STARD13: variants seen among roughly 807,000 people sequenced by gnomAD.
STARD13 encodes StAR related lipid transfer domain containing 13.
A neutral mutation model predicts 106.4 loss-of-function variants in STARD13; 62 were observed. The ratio of observed to expected loss-of-function variants is 0.58; its 90% CI spans 0.48 to 0.72. The LOEUF (loss-of-function observed/expected upper bound fraction) is 0.72, where lower values mean the gene tolerates loss of function less well. Ranked by LOEUF, STARD13 falls within the 30% of genes least tolerant of loss-of-function variation. The pLI is 0.00. For missense variants in STARD13, 1,387 were observed against 1,424.0 expected (o/e 0.97, Z 0.42); for synonymous variants, 565 against 553.0 (o/e 1.02, Z -0.31).
intron 1 of STARD13, among the ~76,000 whole-genome samples, chr13:33,202,678 G>A (rs1488465493): frequency 6.6e-6 from 1 of 152,212 alleles, no homozygotes; most frequent in East Asian, 1.9e-4. Context: ...AGGTTTCAAA[G>A]GCAAGTGATG....
the STARD13 span, among the ~76,000 whole-genome samples, chr13:33,549,743 ACT>A: frequency 6.6e-6 from 1 of 152,028 alleles, no homozygotes; most frequent in Non-Finnish European, 1.5e-5. Context: ...TTACTGCCAG[ACT>A]CTGAAGGTGT....
the STARD13 span, among the ~76,000 whole-genome samples, chr13:33,534,097 T>C: frequency 1.3e-5 from 2 of 152,338 alleles, no homozygotes; most frequent in African/African-American, 2.4e-5. Context: ...AGGAATGCTC[T>C]GGGGCAAGCA....
chr13:33,538,328 C>A, the STARD13 span, among the ~76,000 whole-genome samples: 2 of 152,056 alleles, frequency 1.3e-5, no homozygotes, highest in African/African-American at 4.8e-5. Flanking sequence ...AACTAAGAAG[C>A]AGAGAAGCTG....
the STARD13 span, among the ~76,000 whole-genome samples, chr13:33,573,685 T>G: frequency 3.9e-5 from 6 of 152,196 alleles, no homozygotes; most frequent in African/African-American, 1.2e-4. Flanking sequence ...CCAGGGAGTA[T>G]AAGCAGAAAA....
the STARD13 span, among the ~76,000 whole-genome samples, chr13:33,492,547 C>A: frequency 2.6e-5 from 4 of 151,964 alleles, no homozygotes; most frequent in Non-Finnish European, 5.9e-5. Flanking sequence ...ACAAAACCTA[C>A]CAAAACCAAG....
Position 33,111,889 on chromosome 13 carries a change from G to T in STARD13, c.2496C>A (p.Val832=). Residue 832 remains valine, a synonymous_variant, in exon 10 of 14, where the codon GTC becomes GTA. Transcript: ENST00000336934. ...TCCCAGTGGCATATTTCTTCTGTAT[G>T]ACTCTGTAATTGAACGTGAGTGTGC... ...NLLKKESSPR[V]IQKKYATGKP... is the part of the protein sequence containing the mutation. 2 of 1,606,786 alleles carry T rather than the reference G, an allele frequency of 1.2e-6. No individual in the cohort carries two copies. Among genetic ancestry groups the T allele is most frequent in the Non-Finnish European group, 1.7e-6 (2 of 1,173,324 alleles).
chr13:33,411,049 C>T, the STARD13 span, among the ~76,000 whole-genome samples: 11 of 152,244 alleles, frequency 7.2e-5, no homozygotes, highest in Non-Finnish European at 1.5e-4. Context: ...CCTACCATTA[C>T]AGTCCCTATG....
Position 33,105,660 on chromosome 13 carries a change from G to A in STARD13, c.3275C>T (p.Ala1092Val), listed in dbSNP as rs1422552602. 6.2e-7 allele frequency: 1 copy of A among 1,614,266 alleles called. No homozygotes were observed. Among genetic ancestry groups the A allele is most frequent in the African/African-American group, 1.3e-5 (1 of 75,072 alleles). ...AGAGTTTCTAATCCTGGCAACTTCT[G>A]CTGCACACAGATGTCCAAAGCCTTT... The part of the protein sequence containing the change: ...YSKGFGHLCA[A>V]EVARIRNSFQ... Residue 1092 changes from alanine (A) to valine (V), a missense_variant, in exon 14 of 14, where the codon GCA (alanine) becomes GTA (valine). Physicochemically the swap from Ala to Val is moderately conservative, Grantham distance 64. Transcript: ENST00000336934.
chr13:33,350,357 C>G, exon 1 of STARD13: 2 of 1,534,520 alleles, frequency 1.3e-6, no homozygotes, highest in East Asian at 4.9e-5. Flanking sequence ...AGTCCCGCAA[C>G]TGCTCACTGA....
chr13:33,235,339 T>A (rs1430379315), intron 1 of STARD13, among the ~76,000 whole-genome samples: 2 of 152,252 alleles, frequency 1.3e-5, no homozygotes, highest in East Asian at 3.9e-4. Context: ...AAAAAGCAGG[T>A]GCTATGTGAA....
the STARD13 span, among the ~76,000 whole-genome samples, chr13:33,478,789 A>G: frequency 2.0e-4 from 31 of 152,066 alleles, no homozygotes; most frequent in African/African-American, 6.5e-4. Context: ...GGTGGCATGC[A>G]CCTGTAGTCC....
At chr13:33,390,916 A>G in the STARD13 span, among the ~76,000 whole-genome samples, 6 of 152,066 alleles carry the variant, frequency 3.9e-5, no homozygotes, top group Non-Finnish European at 7.4e-5. Flanking sequence ...AGTTTCATGG[A>G]CTGGTTCCTA....
intron 2 of STARD13, among the ~76,000 whole-genome samples, chr13:33,166,821 C>T (rs1417237417): frequency 6.6e-6 from 1 of 151,686 alleles, no homozygotes; most frequent in African/African-American, 2.4e-5. Flanking sequence ...GTGGTGAAAC[C>T]CTGTCTCTAC....
chr13:33,223,172 C>A (rs1368677296), intron 1 of STARD13, among the ~76,000 whole-genome samples: 1 of 152,156 alleles, frequency 6.6e-6, no homozygotes, highest in Non-Finnish European at 1.5e-5. Flanking sequence ...GTCTGAGAGT[C>A]TGGAGAAAGA....
chr13:33,595,090 G>C, the STARD13 span, among the ~76,000 whole-genome samples: 2 of 152,124 alleles, frequency 1.3e-5, no homozygotes, highest in Non-Finnish European at 2.9e-5. Context: ...AACTGTTTTA[G>C]GACTACCTTT....
At chr13:33,627,705 T>C in the STARD13 span, among the ~76,000 whole-genome samples, 8 of 152,152 alleles carry the variant, frequency 5.3e-5, no homozygotes, top group Non-Finnish European at 8.8e-5. Context: ...GCCCTGGACA[T>C]GGTCCAAAAG....
chr13:33,225,521 G>A (rs1888579199), intron 1 of STARD13, among the ~76,000 whole-genome samples: 1 of 152,162 alleles, frequency 6.6e-6, no homozygotes, highest in African/African-American at 2.4e-5. Context: ...ACTGTCCTAT[G>A]AATAAAACAG....
At chr13:33,524,273 T>G in the STARD13 span, 6 of 1,280,452 alleles carry the variant, frequency 4.7e-6, no homozygotes, top group African/African-American at 9.2e-5. Context: ...GACATTTGGC[T>G]TGGCACACCA....
At chr13:33,460,764 A>G in the STARD13 span, among the ~76,000 whole-genome samples, 1 of 152,208 alleles carries the variant, frequency 6.6e-6, no homozygotes, top group Non-Finnish European at 1.5e-5. Flanking sequence ...ACCAAAATGA[A>G]CAACATCTTT....
Sources: allele counts gnomAD v4.1 joint callset (sites outside exome capture counted in the v4.1 genomes callset), GRCh38; gene constraint gnomAD v4.1.1; transcripts MANE v1.5; gene names NCBI Gene and HGNC (gene_info 2026-07-23, HGNC 2026-07-21).